The following POP1 variants were observed in gnomAD, a reference collection of about 807,000 sequenced individuals.
POP1 encodes the protein POP1 ribonuclease P/MRP subunit.
A neutral mutation model predicts 102.2 loss-of-function variants in POP1; 75 were observed. That is an observed-to-expected ratio of 0.73 (90% CI 0.61 to 0.89). The LOEUF (loss-of-function observed/expected upper bound fraction) is 0.89. Ranked by LOEUF, POP1 falls within the 40% of genes least tolerant of loss-of-function variation. The pLI is 0.00. For synonymous variants in POP1, 436 were observed against 464.1 expected, an observed-to-expected ratio of 0.94 and a Z score of 0.78; for missense variants, 1,116 against 1,267.4, an observed-to-expected ratio of 0.88 and a Z score of 1.81.
At position 98,148,695 on chromosome 8, in the gene POP1, C is replaced by T. The variant is rs926064135; in HGVS notation, c.1711-120C>T. The T allele has an allele frequency of 1.8e-5, 15 of 853,538 alleles. No individual in the cohort carries two copies. The East Asian group carries it at 2.1e-4, about 12-fold the overall frequency. 52.9% of individuals were successfully genotyped at this position (853,538 alleles called of 1,614,324 possible). ...ATGGCTCACATTTATTTATTTAGAA[C>T]GTTTTTCTCTTGCTTTTTTAAAAGA... On this transcript the variant is annotated intron_variant, in intron 12 of 15. Transcript: ENST00000401707.
intron 2 of POP1, 150 bp downstream of exon 2, chr8:98,123,629 T>A: frequency 1.5e-6 from 1 of 655,752 alleles, no homozygotes; most frequent in Non-Finnish European, 2.5e-6. Flanking sequence ...ATACAAGAAT[T>A]AACTGGGTGT....
intron 11 of POP1, 97 bp from the exon 12 acceptor site, chr8:98,146,471 A>G: frequency 1.2e-6 from 1 of 863,590 alleles, no homozygotes; most frequent in Non-Finnish European, 2.0e-6. Context: ...TGCCTATGAA[A>G]TATTGTTTTG....
chr8:98,121,643 G>T (rs551114464), intron 1 of POP1, among the ~76,000 whole-genome samples: 1 of 149,134 alleles, frequency 6.7e-6, no homozygotes, highest in South Asian at 2.1e-4. Flanking sequence ...GCAGCCTCCC[G>T]AATAGCTGGG....
chr8:98,137,678 G>A (rs573040709), intron 9 of POP1, among the ~76,000 whole-genome samples: 5 of 152,340 alleles, frequency 3.3e-5, no homozygotes, highest in Non-Finnish European at 5.9e-5. Context: ...AGCTTTCTGT[G>A]AGGATGATGT....
chr8:98,125,880 C>A (rs764453310), intron 2 of POP1, among the ~76,000 whole-genome samples: 26 of 152,206 alleles, frequency 1.7e-4, no homozygotes, highest in Non-Finnish European at 3.1e-4. Context: ...GGATCCCACT[C>A]TGTCACCCAT....
At chr8:98,117,465 G>T (rs1183451103) in intron 1 of POP1, 75 bp downstream of exon 1, 3 of 270,724 alleles carry the variant, frequency 1.1e-5, no homozygotes, top group South Asian at 3.8e-5. Flanking sequence ...CCCTCCCGGC[G>T]CCCGTCTCCC....
chr8:98,136,469 A>G lies in POP1; in HGVS notation c.1012-13A>G. 6.3e-7 allele frequency: 1 copy of G among 1,597,708 alleles called. No homozygotes were observed. The highest frequency in any genetic ancestry group is 8.5e-7 in the Non-Finnish European group (1 of 1,173,418). On this transcript the variant is annotated splice_polypyrimidine_tract_variant and intron_variant, in intron 7 of 15. Transcript: ENST00000401707. ...TTCAAGATTTTAAAGTGAATGTTTA[A>G]ATATATTTTTAGGATATCTTAGAGG...
At position 98,148,996 on chromosome 8, in the gene POP1, G is replaced by A; in HGVS notation, c.1892G>A (p.Trp631Ter). The change falls in exon 13 of 16, where the codon TGG becomes TAG. Residue 631 changes from tryptophan to a stop codon, truncating the protein, a stop_gained. Coordinates refer to ENST00000401707, the MANE Select transcript of POP1 (RefSeq NM_001145860.2). LOFTEE classifies it high-confidence loss of function. ...LLPKGWGMAFWIPFIYRGVRV... is the reference protein window; with the variant it reads ...LLPKGWGMAF ...CCAAAGGGCTGGGGCATGGCTTTCT[G>A]GATTCCATTTGTAAGTTACTTTTTG... 6.2e-7 allele frequency: 1 copy of A among 1,612,496 alleles called. No individual in the cohort carries two copies. The highest frequency in any genetic ancestry group is 8.5e-7 in the Non-Finnish European group (1 of 1,179,092).
chr8:98,131,585 G>A (rs538878053), intron 5 of POP1, among the ~76,000 whole-genome samples: 4 of 152,292 alleles, frequency 2.6e-5, no homozygotes, highest in Non-Finnish European at 2.9e-5. Flanking sequence ...TATCGTTACA[G>A]TCCCTGCTTT....
intron 13 of POP1, among the ~76,000 whole-genome samples, chr8:98,150,144 TACCATGC>T (rs1158066057): frequency 1.3e-4 from 20 of 152,378 alleles, no homozygotes; most frequent in African/African-American, 4.8e-4. Flanking sequence ...TATTTGCTAC[TACCATGC>T]ATATTTTTAT....
chr8:98,140,198 A>G lies in POP1; in HGVS notation c.1474+9A>G, dbSNP rs778978874. 2 of 1,612,244 alleles carry G rather than the reference A, an allele frequency of 1.2e-6. No homozygotes were observed. ...TTTCGAGTTGTTGGGAGGTATACAA[A>G]GGGAAGACTGGGTTGTGTTGGGGAG... On this transcript the variant is annotated intron_variant, in intron 10 of 15. Coordinates refer to ENST00000401707, the MANE Select transcript of POP1 (RefSeq NM_001145860.2).
rs573333739 is a variant in POP1, at chr8:98,147,173, A to C, written c.1710+490A>C. ...TGGGATAGATGACTTAGATGTGGTC[A>C]AAGAAGTACAGGGCACTCAGGAAAC... On this transcript the variant is annotated intron_variant, in intron 12 of 15. Coordinates refer to ENST00000401707, the MANE Select transcript of POP1 (RefSeq NM_001145860.2). 5.9e-5 allele frequency among the ~76,000 whole-genome samples: 9 copies of C among 152,352 alleles called. No homozygotes were observed. The East Asian group carries it at 1.5e-3, about 26-fold the overall frequency.
intron 1 of POP1, among the ~76,000 whole-genome samples, chr8:98,121,976 C>T (rs1309547887): frequency 1.3e-5 from 2 of 151,908 alleles, no homozygotes; most frequent in African/African-American, 4.8e-5. Context: ...TGAGCCACCA[C>T]GCCCGGCCCA....
rs1816540665 is a variant in POP1, at chr8:98,136,414, C to G, written c.1012-68C>G. ...TTTAAAGAGATTTAAAAAAAAAAAC[C>G]CAACTAAATTTGTCGTAATATATTT... On this transcript the variant is annotated intron_variant, in intron 7 of 15. Coordinates refer to ENST00000401707, the MANE Select transcript of POP1 (RefSeq NM_001145860.2). 4 of 1,486,882 alleles carry G rather than the reference C, an allele frequency of 2.7e-6. No individual in the cohort carries two copies. In the South Asian group the frequency reaches 3.8e-5, roughly 14 times the overall value. 92.1% of individuals were successfully genotyped at this position (1,486,882 alleles called of 1,614,324 possible). A position where few individuals can be genotyped will look rare whatever the true frequency, so the allele number is the denominator to read the frequency against.
chr8:98,155,845 G>T, intron 14 of POP1: 1 of 571,412 alleles, frequency 1.8e-6, no homozygotes, highest in Non-Finnish European at 3.0e-6. Flanking sequence ...AAAGTGCTGG[G>T]ATTACAGGCA....
Position 98,156,166 on chromosome 8 carries a change from C to T in POP1, c.2174C>T (p.Pro725Leu), listed in dbSNP as rs926290185. ...WESRVQAYEE[P>L]SVASSPNGKE... ...TCAAGAGTCCAGGCTTACGAAGAAC[C>T]TTCTGTAGCTTCATCTCCAAATGGT... The change falls in exon 15 of 16, where the codon CCT becomes CTT. Residue 725 changes from proline (P) to leucine (L), a missense_variant. Coordinates refer to ENST00000401707, the MANE Select transcript of POP1 (RefSeq NM_001145860.2). The T allele has an allele frequency of 6.2e-7, 1 of 1,614,082 alleles. No homozygotes were observed. The highest frequency in any genetic ancestry group is 1.7e-5 in the Admixed American group (1 of 60,016).
In POP1 at chr8:98,148,903, T is replaced by C; in HGVS notation, c.1799T>C (p.Ile600Thr). The C allele has an allele frequency of 1.2e-6, 2 of 1,613,964 alleles. No individual in the cohort carries two copies. Among genetic ancestry groups the C allele is most frequent in the Non-Finnish European group, 1.7e-6 (2 of 1,179,950 alleles). Reference sequence around the variant, plus strand: ...GAATCCAAGATACCTATACTTTTGATTCAGCAGCCAGGAAAAGTGACTGGT... The same window carrying C: ...GAATCCAAGATACCTATACTTTTGACTCAGCAGCCAGGAAAAGTGACTGGT... ...PHESKIPILL[I>T]QQPGKVTGED... The change falls in exon 13 of 16, where the codon ATT (isoleucine) becomes ACT (threonine). Residue 600 changes from isoleucine to threonine, a missense_variant. Ile to Thr is a moderately conservative substitution (Grantham distance 89). Coordinates refer to ENST00000401707, the MANE Select transcript of POP1 (RefSeq NM_001145860.2).
intron 14 of POP1, among the ~76,000 whole-genome samples, chr8:98,154,394 G>T (rs1176949325): frequency 6.6e-6 from 1 of 152,186 alleles, no homozygotes. Flanking sequence ...GCCGCAGGGA[G>T]GTGCTAGTGT....
Position 98,117,335 on chromosome 8 carries a change from G to C in POP1, c.-58G>C, listed in dbSNP as rs1179352774. 5.4e-6 allele frequency: 3 copies of C among 551,254 alleles called. No homozygotes were observed. Among genetic ancestry groups the C allele is most frequent in the South Asian group, 2.0e-5 (1 of 49,110 alleles). 34.1% of individuals were successfully genotyped at this position (551,254 alleles called of 1,614,324 possible). On this transcript the variant is annotated 5_prime_UTR_variant, in exon 1 of 16. Coordinates refer to ENST00000401707, the MANE Select transcript of POP1 (RefSeq NM_001145860.2). ...CTCTCCAGGAGCTTTGGCTCGGTGG[G>C]TACTGTCGCGGAGGCTTGTCATTCT...
Sources: allele counts gnomAD v4.1 joint callset (sites outside exome capture counted in the v4.1 genomes callset), GRCh38; gene constraint gnomAD v4.1.1; transcripts MANE v1.5; gene names NCBI Gene and HGNC (gene_info 2026-07-23, HGNC 2026-07-21).